EXOC5: variants seen among roughly 807,000 people sequenced by gnomAD.
EXOC5 encodes the protein SEC10-like 1.
Under a neutral mutation model 90.8 loss-of-function variants are expected in EXOC5, and 17 were observed. The observed-to-expected ratio is 0.19, with a 90% CI of 0.13 to 0.28. The LOEUF (loss-of-function observed/expected upper bound fraction) is 0.28, where lower values mean the gene tolerates loss of function less well. EXOC5 is among the 10% of genes least tolerant of loss of function. The pLI is 1.00. For missense variants in EXOC5, 569 were observed against 830.6 expected (o/e 0.69, Z 3.87); for synonymous variants, 260 against 270.0 (o/e 0.96, Z 0.36).
At chr14:57,228,980 T>C (rs777294741) in intron 12 of EXOC5, among the ~76,000 whole-genome samples, 2 of 152,186 alleles carry the variant, frequency 1.3e-5, no homozygotes, top group Non-Finnish European at 2.9e-5. Flanking sequence ...CTCTGACTTA[T>C]CTGTTTATTT....
chr14:57,258,247 C>T (rs142624833), intron 1 of EXOC5, among the ~76,000 whole-genome samples: 7 of 152,242 alleles, frequency 4.6e-5, no homozygotes, highest in East Asian at 3.9e-4. Flanking sequence ...CACATGCACA[C>T]GTACGTTTAC....
intron 12 of EXOC5, among the ~76,000 whole-genome samples, chr14:57,223,444 T>G (rs1883214088): frequency 6.6e-6 from 1 of 152,092 alleles, no homozygotes; most frequent in Non-Finnish European, 1.5e-5. Flanking sequence ...CCCCTTTGAA[T>G]TCCCACTGAT....
chr14:57,233,926 A>C, intron 8 of EXOC5, 43 bp from the exon 9 acceptor site: 1 of 1,599,162 alleles, frequency 6.3e-7, no homozygotes, highest in Non-Finnish European at 8.6e-7. Context: ...TATAATTTCT[A>C]CATGATTTTA....
intron 17 of EXOC5, 112 bp downstream of exon 17, chr14:57,209,455 T>A (rs898648156): frequency 1.7e-6 from 1 of 598,400 alleles, no homozygotes; most frequent in African/African-American, 1.9e-5. Flanking sequence ...TCTCATACAA[T>A]ATCAACAAAA....
intron 2 of EXOC5, 37 bp downstream of exon 2, chr14:57,247,581 G>T (rs1199166247): frequency 2.1e-6 from 2 of 956,538 alleles, no homozygotes; most frequent in African/African-American, 1.7e-5. Flanking sequence ...ATGTGTACCA[G>T]ATTAGATCTG....
At chr14:57,264,685 T>C (rs1345925569) in intron 1 of EXOC5, among the ~76,000 whole-genome samples, 1 of 152,188 alleles carries the variant, frequency 6.6e-6, no homozygotes, top group Non-Finnish European at 1.5e-5. Flanking sequence ...TTGTCTGCTT[T>C]ACTGAAAAGT....
chr14:57,253,141 C>T (rs1372612376), intron 1 of EXOC5, among the ~76,000 whole-genome samples: 1 of 151,872 alleles, frequency 6.6e-6, no homozygotes, highest in East Asian at 1.9e-4. Context: ...AAGGCTAAAG[C>T]GGAGGCAGGG....
chr14:57,268,654 C>T lies in EXOC5; in HGVS notation c.-6G>A, dbSNP rs1323535896. The T allele has an allele frequency of 6.3e-7, 1 of 1,587,876 alleles. No homozygotes were observed. On this transcript the variant is annotated 5_prime_UTR_variant, in exon 1 of 18. Transcript: ENST00000621441. ...AGCTCGGCCGTGGTAGCCATCCCGGCCGGCTGAGAGGCTCGCCCCCCACTG... is the reference window on the plus strand; with the variant it reads ...AGCTCGGCCGTGGTAGCCATCCCGGTCGGCTGAGAGGCTCGCCCCCCACTG...
intron 2 of EXOC5, among the ~76,000 whole-genome samples, chr14:57,247,353 T>A (rs1884060496): frequency 6.6e-6 from 1 of 152,176 alleles, no homozygotes; most frequent in Non-Finnish European, 1.5e-5. Context: ...GTATAATCAT[T>A]TCTAGTTTAT....
Position 57,222,394 on chromosome 14 carries a change from G to C in EXOC5, c.1319C>G (p.Pro440Arg). The C allele has an allele frequency of 2.5e-6, 4 of 1,593,494 alleles. No individual in the cohort carries two copies. The highest frequency in any genetic ancestry group is 2.6e-6 in the Non-Finnish European group (3 of 1,166,824). Residue 440 changes from proline (P) to arginine (R), a missense_variant, in exon 13 of 18, where the codon CCA becomes CGA. By Grantham distance (103) the Pro-to-Arg change is moderately radical. Around this residue, in one of 9 missense-constraint regions of EXOC5, gnomAD observed 56 missense variants for 51.1 expected, o/e 1.10. Transcript: ENST00000621441. ...GGTAAAAATTCTGAAGGCATTCCTT[G>C]GTAAGTCAGAAGGATCAGAGAGCTT... ...CHRLSDPSDLPRNAFRIFTIL... is the reference protein window; with the variant it reads ...CHRLSDPSDLRRNAFRIFTIL...
chr14:57,222,644 G>T (rs1385115946), intron 12 of EXOC5, among the ~76,000 whole-genome samples: 3 of 150,508 alleles, frequency 2.0e-5, no homozygotes, highest in Admixed American at 6.6e-5. Flanking sequence ...TTTCAAACTT[G>T]GATTGCAATC....
chr14:57,260,339 T>C (rs780714192), intron 1 of EXOC5, among the ~76,000 whole-genome samples: 2 of 152,158 alleles, frequency 1.3e-5, no homozygotes, highest in East Asian at 3.8e-4. Flanking sequence ...TTTGAAAAAG[T>C]ATTTTGAAAA....
At chr14:57,235,676 T>C (rs1466699574) in intron 7 of EXOC5, 35 bp downstream of exon 7, 2 of 1,080,032 alleles carry the variant, frequency 1.9e-6, no homozygotes, top group East Asian at 2.6e-5. Flanking sequence ...TTCCATAGCC[T>C]TGAACACTAT....
intron 12 of EXOC5, among the ~76,000 whole-genome samples, chr14:57,225,183 C>G (rs1278093129): frequency 6.6e-6 from 1 of 152,164 alleles, no homozygotes; most frequent in South Asian, 2.1e-4. Context: ...TGATGACCAA[C>G]TGGAGTTTAT....
intron 1 of EXOC5, among the ~76,000 whole-genome samples, chr14:57,248,683 C>T (rs1306143127): frequency 1.3e-5 from 2 of 152,032 alleles, no homozygotes; most frequent in Non-Finnish European, 2.9e-5. Flanking sequence ...CACATATTGC[C>T]TCCTACCTAG....
chr14:57,268,576 T>C, intron 1 of EXOC5, 46 bp downstream of exon 1: 1 of 1,565,854 alleles, frequency 6.4e-7, no homozygotes, highest in Non-Finnish European at 8.6e-7. Context: ...CCCAGCTGCC[T>C]GCAAACCCCG....
At chr14:57,238,408 A>ATATT (rs1307644031) in intron 5 of EXOC5, among the ~76,000 whole-genome samples, 5 of 148,420 alleles carry the variant, frequency 3.4e-5, no homozygotes, top group South Asian at 2.1e-4. Context: ...ACACACACAC[A>ATATT]CATATTCATA....
rs114815334 is a variant in EXOC5 at position 57,226,065 on chromosome 14, G to A, written c.1297-3649C>T. ...TAGGACAGAGGAAGCAATCAGATAC[G>A]CATTTCTCTCAGGTGAGCTGAGGGA... On this transcript the variant is annotated intron_variant, in intron 12 of 17. Transcript: ENST00000621441. Among the ~76,000 whole-genome samples, 1,391 of 152,222 alleles carry A rather than the reference G, an allele frequency of 9.1e-3. 24 individuals carry two copies. The highest frequency in any genetic ancestry group is 0.032 in the African/African-American group (1,317 of 41,524).
intron 4 of EXOC5, among the ~76,000 whole-genome samples, chr14:57,241,074 G>C (rs529732266): frequency 5.7e-4 from 87 of 152,152 alleles, no homozygotes; most frequent in African/African-American, 2.0e-3. Flanking sequence ...GGCTGGTCTT[G>C]AACACCTGGC....
Sources: allele counts gnomAD v4.1 joint callset (sites outside exome capture counted in the v4.1 genomes callset), GRCh38; gene constraint gnomAD v4.1.1; regional missense constraint gnomAD v4.1.1; transcripts MANE v1.5; gene names NCBI Gene and HGNC (gene_info 2026-07-23, HGNC 2026-07-21).